DCHS2: variants seen among roughly 807,000 people sequenced by gnomAD.
DCHS2 encodes dachsous cadherin-related 2.
In DCHS2, 142 loss-of-function variants were observed where a neutral mutation model predicts 182.4. That is an observed-to-expected ratio of 0.78 (90% CI 0.68 to 0.89). The LOEUF is 0.89. Among genes scored for constraint, DCHS2 ranks in the 40% least tolerant of loss-of-function variants. DCHS2 has a pLI of 0.00. For missense variants in DCHS2, 4,319 were observed against 4,198.6 expected (o/e 1.03, Z -0.79); for synonymous variants, 1,740 against 1,663.3 (o/e 1.05, Z -1.12).
chr4:154,363,047 G>C (rs1730195546), intron 3 of DCHS2, among the ~76,000 whole-genome samples: 1 of 152,142 alleles, frequency 6.6e-6, no homozygotes, highest in South Asian at 2.1e-4. Flanking sequence ...TCTACCCTCT[G>C]CATTGTTCAA....
intron 13 of DCHS2, among the ~76,000 whole-genome samples, chr4:154,276,152 T>C (rs1733844869): frequency 1.3e-5 from 2 of 152,190 alleles, no homozygotes; most frequent in Admixed American, 6.6e-5. Context: ...TGAAACTTAC[T>C]ATTCATTTCA....
At chr4:154,309,654 T>C (rs1435419521) in intron 10 of DCHS2, among the ~76,000 whole-genome samples, 1 of 152,148 alleles carries the variant, frequency 6.6e-6, no homozygotes, top group Non-Finnish European at 1.5e-5. Context: ...CAGAATTGGG[T>C]CTCAGGTAAC....
At chr4:154,482,677 T>C (rs1735966651) in intron 1 of DCHS2, among the ~76,000 whole-genome samples, 1 of 152,048 alleles carries the variant, frequency 6.6e-6, no homozygotes, top group Admixed American at 6.6e-5. Context: ...AAAGGAGAAA[T>C]GGAGTGATTG....
chr4:154,331,833 G>A (rs1306034128), intron 5 of DCHS2: 3 of 1,089,456 alleles, frequency 2.8e-6, no homozygotes, highest in Non-Finnish European at 3.7e-6. Flanking sequence ...ATGTTTCATT[G>A]TAAGGATTAA....
chr4:154,347,982 CTT>C (rs2111400198), intron 3 of DCHS2, among the ~76,000 whole-genome samples: 1 of 152,050 alleles, frequency 6.6e-6, no homozygotes, highest in Non-Finnish European at 1.5e-5. Flanking sequence ...GTGGCAGACT[CTT>C]ATAGTTTGCA....
At chr4:154,280,569 A>G (rs1734083242) in intron 13 of DCHS2, among the ~76,000 whole-genome samples, 3 of 152,194 alleles carry the variant, frequency 2.0e-5, no homozygotes. Context: ...ATTGTTCAAC[A>G]TACAAAAACA....
chr4:154,455,312 T>A (rs1177881277), intron 1 of DCHS2, among the ~76,000 whole-genome samples: 1 of 152,236 alleles, frequency 6.6e-6, no homozygotes, highest in Non-Finnish European at 1.5e-5. Context: ...TGGGCCATTT[T>A]ATGTAAACAA....
Position 154,486,349 on chromosome 4 carries a change from C to T in DCHS2, c.2052+2955G>A. On this transcript the variant is annotated intron_variant, in intron 1 of 19. Transcript: ENST00000357232. ...AACAGCAGCAACTAGAGTGGTAGGACCCCAAACATTGGGGATGTGGAGTAA... is the reference window on the plus strand; with the variant it reads ...AACAGCAGCAACTAGAGTGGTAGGATCCCAAACATTGGGGATGTGGAGTAA... 3 of 1,266,020 alleles carry T rather than the reference C, an allele frequency of 2.4e-6. No individual in the cohort carries two copies. In the South Asian group the frequency reaches 4.0e-5, roughly 17 times the overall value. The allele number at this position is 1,266,020 out of a possible 1,614,324, so 78.4% of individuals were successfully genotyped here.
At chr4:154,301,687 C>A (rs931260891) in intron 12 of DCHS2, among the ~76,000 whole-genome samples, 1 of 151,860 alleles carries the variant, frequency 6.6e-6, no homozygotes, top group African/African-American at 2.4e-5. Context: ...TTAGTAGAGA[C>A]GAGGTTTCTC....
intron 3 of DCHS2, among the ~76,000 whole-genome samples, chr4:154,359,590 A>G (rs1172390684): frequency 1.3e-5 from 2 of 151,852 alleles, no homozygotes; most frequent in Non-Finnish European, 1.5e-5. Flanking sequence ...TATCAATACC[A>G]TTTTCTTCTT....
intron 1 of DCHS2, among the ~76,000 whole-genome samples, chr4:154,383,795 C>A (rs964604464): frequency 2.7e-5 from 4 of 150,556 alleles, no homozygotes; most frequent in Non-Finnish European, 4.4e-5. Context: ...TACTCCTAAG[C>A]AATTGTACAC....
At chr4:154,268,238 C>T (rs556763496) in intron 14 of DCHS2, among the ~76,000 whole-genome samples, 4 of 130,674 alleles carry the variant, frequency 3.1e-5, no homozygotes, top group Non-Finnish European at 5.0e-5. Flanking sequence ...TTTCCCCCCC[C>T]CAAAAAAATA....
chr4:154,395,078 C>T (rs1218659750), intron 1 of DCHS2, among the ~76,000 whole-genome samples: 1 of 151,990 alleles, frequency 6.6e-6, no homozygotes, highest in Non-Finnish European at 1.5e-5. Context: ...CTTCTGGAAG[C>T]TATTTTGTGT....
intron 16 of DCHS2, among the ~76,000 whole-genome samples, chr4:154,248,879 C>T (rs1011665683): frequency 5.3e-5 from 8 of 152,066 alleles, no homozygotes; most frequent in African/African-American, 1.9e-4. Context: ...AACTGGCTAA[C>T]CAGATGCAGA....
chr4:154,317,940 C>G (rs191074124), intron 9 of DCHS2, among the ~76,000 whole-genome samples: 2 of 152,188 alleles, frequency 1.3e-5, no homozygotes, highest in Admixed American at 1.3e-4. Context: ...TATATTATTT[C>G]CAATATTTAC....
chr4:154,321,370 T>C, intron 8 of DCHS2, 148 bp from the exon 9 acceptor site: 1 of 894,888 alleles, frequency 1.1e-6, no homozygotes, highest in East Asian at 3.1e-5. Context: ...TTATATTATA[T>C]AATTCCAGTA....
rs1412467933 is a variant in DCHS2 at position 154,490,531 on chromosome 4, C to T, written c.825G>A (p.Arg275=). The change falls in exon 1 of 20, where the codon CGG becomes CGA. Residue 275 remains arginine (R), a synonymous_variant. Transcript: ENST00000357232. ...GCTCCACGCTCAGGAGGCCGGTGCG[C>T]CGGGGTCGGCCGCCGTCCCATGCCT... ...QIEAWDGGRP[R]RTGLLSVELR... 6.5e-7 allele frequency: 1 copy of T among 1,537,014 alleles called. No homozygotes were observed. The highest frequency in any genetic ancestry group is 1.2e-5 in the South Asian group (1 of 83,858).
Position 154,235,724 on chromosome 4 carries a change from C to CACAAAAACA in DCHS2, c.8919_8927dup (p.Val2974_Val2976dup), listed in dbSNP as rs756439016. On this transcript the variant is annotated inframe_insertion, in exon 20 of 20. Coordinates refer to ENST00000357232, the MANE Select transcript of DCHS2 (RefSeq NM_001358235.2). ...TTCCTTCAGAGGAGAAAGACACATT[C>CACAAAAACA]ACAAAAACAGTGCAAGATGCAAACT... 6 of 1,613,906 alleles carry CACAAAAACA rather than the reference C, an allele frequency of 3.7e-6. No homozygotes were observed. In the East Asian group the frequency reaches 1.3e-4, roughly 36 times the overall value.
At chr4:154,423,722 G>T (rs1044604493) in intron 1 of DCHS2, among the ~76,000 whole-genome samples, 1 of 152,126 alleles carries the variant, frequency 6.6e-6, no homozygotes, top group Non-Finnish European at 1.5e-5. Flanking sequence ...TCAAATTTAT[G>T]TTATACAACT....
Sources: gnomAD v4.1 joint callset for allele counts (sites outside exome capture counted in the v4.1 genomes callset) on GRCh38, gnomAD v4.1.1 for gene constraint, MANE v1.5 for transcripts, NCBI Gene and HGNC (gene_info 2026-07-23, HGNC 2026-07-21) for gene names.